The following FBXO10 variants were observed in gnomAD, a reference collection of about 807,000 sequenced individuals.
FBXO10 encodes the protein F-box protein 10.
FBXO10 carries 39 observed loss-of-function variants against 80.7 expected under a neutral mutation model. The observed-to-expected ratio is 0.48, with a 90% confidence interval of 0.37 to 0.63. The LOEUF (loss-of-function observed/expected upper bound fraction) is 0.63, where lower values mean the gene tolerates loss of function less well. FBXO10 is among the 30% of genes least tolerant of loss of function. The pLI, the probability that FBXO10 is intolerant of heterozygous loss-of-function variation, is 0.00. For missense variants in FBXO10, 1,025 were observed against 1,269.0 expected, an observed-to-expected ratio of 0.81 and a Z score of 2.92; for synonymous variants, 449 against 489.6, an observed-to-expected ratio of 0.92 and a Z score of 1.09.
chr9:37,541,019 G>T (rs936301424), intron 2 of FBXO10, among the ~76,000 whole-genome samples, 165 bp downstream of exon 2: 9 of 152,202 alleles, frequency 5.9e-5, no homozygotes, highest in African/African-American at 1.7e-4. Context: ...GAACTCTACT[G>T]ATCACTGTGC....
intron 8 of FBXO10, among the ~76,000 whole-genome samples, chr9:37,519,908 C>CT (rs60574734): frequency 0.28 from 42,047 of 152,108 alleles, 7,284 homozygotes; most frequent in East Asian, 0.67. Flanking sequence ...ACCTCGAACT[C>CT]TGAGTCCTGA....
intron 9 of FBXO10, among the ~76,000 whole-genome samples, chr9:37,516,451 C>G (rs966887241): frequency 1.3e-5 from 2 of 152,174 alleles, no homozygotes; most frequent in African/African-American, 4.8e-5. Flanking sequence ...TCCCACAGTG[C>G]TCAGAGGCAA....
intron 1 of FBXO10, among the ~76,000 whole-genome samples, chr9:37,547,754 G>A (rs1483081814): frequency 1.3e-5 from 2 of 152,128 alleles, no homozygotes; most frequent in Admixed American, 6.5e-5. Context: ...AGTCCAGTTC[G>A]AGATCAGCCT....
At chr9:37,519,720 T>C (rs956387894) in intron 8 of FBXO10, among the ~76,000 whole-genome samples, 1 of 152,216 alleles carries the variant, frequency 6.6e-6, no homozygotes, top group African/African-American at 2.4e-5. Context: ...GAGACAGAAC[T>C]CATTTTCTGA....
chr9:37,559,484 A>G (rs1199174240), intron 1 of FBXO10, among the ~76,000 whole-genome samples: 1 of 152,192 alleles, frequency 6.6e-6, no homozygotes, highest in Non-Finnish European at 1.5e-5. Context: ...TCATATATAA[A>G]TTGGGGACCT....
chr9:37,537,458 GC>G lies in FBXO10; in HGVS notation c.1070del (p.Gly357AlafsTer2). On this transcript the variant is annotated frameshift_variant, in exon 3 of 11. Transcript: ENST00000432825. LOFTEE classifies it high-confidence loss of function. The stretch of plus-strand genomic sequence containing the variant: ...CTTCATCCTCACCGCTGGGACTCAG[GC>G]CTCCATCGCTGCTGTCCGGGGTCTG... ...VAQTPDSSDG[G>X]LSPSGEDEDE... 2 of 1,605,298 alleles carry G rather than the reference GC, an allele frequency of 1.2e-6. No homozygotes were observed. The highest frequency in any genetic ancestry group is 1.7e-6 in the Non-Finnish European group (2 of 1,175,892).
chr9:37,519,954 T>C (rs1359018769), intron 8 of FBXO10, among the ~76,000 whole-genome samples: 2 of 152,252 alleles, frequency 1.3e-5, no homozygotes, highest in South Asian at 2.1e-4. Flanking sequence ...TCCCTAGTAG[T>C]TGGAACTACA....
chr9:37,520,293 T>C (rs1043190417), intron 8 of FBXO10, among the ~76,000 whole-genome samples: 1 of 133,206 alleles, frequency 7.5e-6, no homozygotes, highest in African/African-American at 2.8e-5. Flanking sequence ...ATTCAAGAAA[T>C]ATCAAACATC....
Position 37,547,377 on chromosome 9 carries a change from C to G in FBXO10, c.-6-5603G>C, listed in dbSNP as rs558218228. 1.2e-3 allele frequency among the ~76,000 whole-genome samples: 190 copies of G among 152,136 alleles called. No homozygotes were observed. In the South Asian group the frequency reaches 0.039, roughly 31 times the overall value. Reference sequence around the variant, plus strand: ...GGTCCAGGTAGGTGGACTGCTTGAGCTCAGGAGTTTGAGACCAGCTTAGGC... The same window carrying G: ...GGTCCAGGTAGGTGGACTGCTTGAGGTCAGGAGTTTGAGACCAGCTTAGGC... On this transcript the variant is annotated intron_variant, in intron 1 of 10. Coordinates refer to ENST00000432825, the MANE Select transcript of FBXO10 (RefSeq NM_012166.3).
intron 1 of FBXO10, among the ~76,000 whole-genome samples, chr9:37,545,175 C>T (rs1476387743): frequency 1.1e-4 from 9 of 85,638 alleles, no homozygotes; most frequent in East Asian, 3.9e-4. Flanking sequence ...CATTCTCAGG[C>T]TTTTTTTTTT....
intron 3 of FBXO10, among the ~76,000 whole-genome samples, chr9:37,534,499 T>C (rs1202027111): frequency 2.0e-5 from 3 of 152,252 alleles, no homozygotes; most frequent in Non-Finnish European, 4.4e-5. Context: ...AGACGAGGCC[T>C]GAGCACTTCC....
chr9:37,547,273 A>T (rs917487075), intron 1 of FBXO10, among the ~76,000 whole-genome samples: 3 of 152,198 alleles, frequency 2.0e-5, no homozygotes, highest in African/African-American at 4.8e-5. Flanking sequence ...TGATGTAGAC[A>T]AGAACATGTA....
rs76832360 is a variant in FBXO10 at position 37,571,417 on chromosome 9, C to G, written c.-7+4794G>C. Among the ~76,000 whole-genome samples the G allele has an allele frequency of 7.9e-3, 1,209 of 152,184 alleles. 9 individuals carry two copies. The highest frequency in any genetic ancestry group is 0.017 in the Middle Eastern group (5 of 294). ...AAGAAGCAAGCCTATCTGTATGGTA[C>G]AAGAAGTGGACTGTGGAGAATACTA... On this transcript the variant is annotated intron_variant, in intron 1 of 10. Coordinates refer to ENST00000432825, the MANE Select transcript of FBXO10 (RefSeq NM_012166.3).
At chr9:37,569,339 T>A (rs1254987923) in intron 1 of FBXO10, among the ~76,000 whole-genome samples, 2 of 120,032 alleles carry the variant, frequency 1.7e-5, no homozygotes, top group African/African-American at 3.1e-5. Context: ...ATTAAGAAGA[T>A]AAAACAACTT....
At chr9:37,560,641 A>ATTTT (rs1554648888) in intron 1 of FBXO10, among the ~76,000 whole-genome samples, 4 of 151,432 alleles carry the variant, frequency 2.6e-5, no homozygotes, top group Middle Eastern at 3.2e-3. Context: ...TTTTTATTTT[A>ATTTT]TTTTTTTTAA....
chr9:37,542,381 AG>A lies in FBXO10; in HGVS notation c.-6-608del, dbSNP rs571618322. Among the ~76,000 whole-genome samples, 12 of 151,724 alleles carry A rather than the reference AG, an allele frequency of 7.9e-5. No homozygotes were observed. In the South Asian group the frequency reaches 2.3e-3, roughly 29 times the overall value. The stretch of plus-strand genomic sequence containing the variant: ...GAGGCTGAGACAGGTGGATCACCTG[AG>A]GTTGGGAGTTCAAGACCAGCCTGAC... On this transcript the variant is annotated intron_variant, in intron 1 of 10. Transcript: ENST00000432825.
chr9:37,557,959 C>T (rs1822378416), intron 1 of FBXO10, among the ~76,000 whole-genome samples: 1 of 152,200 alleles, frequency 6.6e-6, no homozygotes, highest in Admixed American at 6.5e-5. Flanking sequence ...TAACCAGGAC[C>T]AACTGCTGCA....
rs752132765 is a variant in FBXO10 at position 37,537,197 on chromosome 9, G to A, written c.1332C>T (p.Val444=). 1.2e-6 allele frequency: 2 copies of A among 1,613,958 alleles called. No individual in the cohort carries two copies. Among genetic ancestry groups the A allele is most frequent in the South Asian group, 2.2e-5 (2 of 91,088 alleles). ...TGGCTCTGCCGTGGGAGCAGACGAA[G>A]ACGCCTCCCTTCCCGTCCCGGAAGA... ...KCLFRDGKGG[V]FVCSHGRAKM... is the part of the protein sequence containing the mutation. The change falls in exon 3 of 11, where the codon GTC becomes GTT. Residue 444 remains valine, a synonymous_variant. Coordinates refer to ENST00000432825, the MANE Select transcript of FBXO10 (RefSeq NM_012166.3).
rs1588842628 is a variant in FBXO10 at position 37,541,199 on chromosome 9, T to C, written c.570A>G (p.Ser190=). The C allele has an allele frequency of 1.9e-6, 3 of 1,603,284 alleles. No homozygotes were observed. In the East Asian group the frequency reaches 6.7e-5, roughly 36 times the overall value. The change falls in exon 2 of 11, where the codon TCA becomes TCG. Residue 190 remains serine (S), a synonymous_variant. Transcript: ENST00000432825. ...GGATACCCACCTTATACATGATGGG[T>C]GAGAACCAGGCTGGCGTGAAGACGA... The part of the protein sequence containing the change: ...CNLVFTPAWF[S]PIMYKTTSGH...
Sources: allele counts gnomAD v4.1 joint callset (sites outside exome capture counted in the v4.1 genomes callset), GRCh38; gene constraint gnomAD v4.1.1; transcripts MANE v1.5; gene names NCBI Gene and HGNC (gene_info 2026-07-23, HGNC 2026-07-21).